The following ACADVL variants were observed in gnomAD, a reference collection of about 807,000 sequenced individuals.
ACADVL encodes the protein very long-chain acyl-CoA dehydrogenase, mitochondrial.
Under a neutral mutation model 80.4 loss-of-function variants are expected in ACADVL, and 73 were observed. That is an observed-to-expected ratio of 0.91 (90% CI 0.75 to 1.10). ACADVL has a LOEUF of 1.10. ACADVL is among the 50% of genes least tolerant of loss of function. The probability of loss-of-function intolerance (pLI) is 0.00; values close to 1 mark genes in which losing one functional copy is unlikely to be tolerated. For synonymous variants in ACADVL, 392 were observed against 326.5 expected, an observed-to-expected ratio of 1.20 and a Z score of -2.16; for missense variants, 878 against 858.9, an observed-to-expected ratio of 1.02 and a Z score of -0.28.
Position 7,220,917 on chromosome 17 carries a change from TC to T in ACADVL, c.343-3del. On this transcript the variant is annotated splice_polypyrimidine_tract_variant and splice_region_variant and intron_variant, in intron 5 of 19. Transcript: ENST00000356839. ...AGCCTGGATGTGGGATCCTGTGCCT[TC>T]CCCAGGAAGTGAACGATCCCGCCAA... The T allele has an allele frequency of 6.2e-7, 1 of 1,614,042 alleles. No homozygotes were observed. The highest frequency in any genetic ancestry group is 8.5e-7 in the Non-Finnish European group (1 of 1,180,028).
rs2071188725 is a variant in ACADVL, at chr17:7,221,047, T to C, written c.466T>C (p.Cys156Arg). 3.1e-6 allele frequency: 5 copies of C among 1,613,758 alleles called. No individual in the cohort carries two copies. The highest frequency in any genetic ancestry group is 4.2e-6 in the Non-Finnish European group (5 of 1,180,024). The change falls in exon 6 of 20, where the codon TGC becomes CGC. Residue 156 changes from cysteine to arginine, a missense_variant. Cys to Arg is a radical substitution (Grantham distance 180). Coordinates refer to ENST00000356839, the MANE Select transcript of ACADVL (RefSeq NM_000018.4). ...CAGTGAGCTGGGTGGTGTGGGCCTT[T>C]GCAACACCCAGGTGAGGGCGCCCTA... ...VPSELGGVGL[C>R]NTQYARLVEI...
chr17:7,225,105 C>T lies in ACADVL; in HGVS notation c.*8C>T, dbSNP rs370513576. The T allele has an allele frequency of 3.4e-4, 556 of 1,614,056 alleles. 4 individuals carry two copies. Among genetic ancestry groups the T allele is most frequent in the South Asian group, 2.9e-3 (268 of 91,078 alleles). On this transcript the variant is annotated 3_prime_UTR_variant, in exon 20 of 20. Coordinates refer to ENST00000356839, the MANE Select transcript of ACADVL (RefSeq NM_000018.4). ...AACCCACTTGGCTTCTGAATACTCCCGGCCAGGGCCTGTCCCAGTTATGTG... is the reference window on the plus strand; with the variant it reads ...AACCCACTTGGCTTCTGAATACTCCTGGCCAGGGCCTGTCCCAGTTATGTG...
chr17:7,218,626 G>A, upstream of ACADVL: 1 of 1,562,474 alleles, frequency 6.4e-7, no homozygotes, highest in Non-Finnish European at 8.7e-7. Context: ...GGAGCCAGAG[G>A]GCTGACCTGG....
chr17:7,221,429 AGGTCAGGAACTGCCCTAGGTCAGGAAC>A, intron 6 of ACADVL, 82 bp from the exon 7 acceptor site: 1 of 452,628 alleles, frequency 2.2e-6, no homozygotes, highest in South Asian at 4.0e-5. Flanking sequence ...GCACTGCCCT[AGGTCAGGAACTGCCCTAGGTCAGGAAC>A]TGCCCTGTTG....
At chr17:7,218,566 A>G, upstream of ACADVL, 1 of 1,564,578 alleles carries the variant, frequency 6.4e-7, no homozygotes, top group South Asian at 1.2e-5. Context: ...AGAGGTCGCT[A>G]TGCAGCACTG....
At chr17:7,223,316 A>T in intron 11 of ACADVL, 79 bp downstream of exon 11, 7 of 1,324,880 alleles carry the variant, frequency 5.3e-6, no homozygotes, top group Non-Finnish European at 7.6e-6. Context: ...CCCCAGCAGC[A>T]CCTGGGGCAG....
chr17:7,221,872 T>C, intron 7 of ACADVL, 80 bp from the exon 8 acceptor site: 1 of 1,610,232 alleles, frequency 6.2e-7, no homozygotes, highest in Admixed American at 1.7e-5. Flanking sequence ...GGGAACTGCC[T>C]GCTGGAGGGA....
chr17:7,222,415 CTGAA>C (rs2071275528), intron 9 of ACADVL, 113 bp downstream of exon 9: 2 of 1,468,712 alleles, frequency 1.4e-6, no homozygotes, highest in Non-Finnish European at 1.8e-6. Context: ...AGCAGGTGGA[CTGAA>C]TGTGGCCTTT....
rs778531268 is a variant in ACADVL, at chr17:7,223,688, G to C, written c.1227G>C (p.Thr409=). The C allele has an allele frequency of 1.2e-6, 2 of 1,614,084 alleles. No homozygotes were observed. Among genetic ancestry groups the C allele is most frequent in the Non-Finnish European group, 1.7e-6 (2 of 1,180,032 alleles). The change falls in exon 12 of 20, where the codon ACG becomes ACC. Residue 409 remains threonine (T), a synonymous_variant. Coordinates refer to ENST00000356839, the MANE Select transcript of ACADVL (RefSeq NM_000018.4). ...MVSANMDQGA[T]DFQIEAAISK... Reference sequence around the variant, plus strand: ...GTGCTAACATGGACCAGGGAGCCACGGACTTCCAGATAGAGGCCGCCATCA... The same window carrying C: ...GTGCTAACATGGACCAGGGAGCCACCGACTTCCAGATAGAGGCCGCCATCA...
chr17:7,222,009 C>G lies in ACADVL; in HGVS notation c.680C>G (p.Ser227Cys). 3 of 1,614,112 alleles carry G rather than the reference C, an allele frequency of 1.9e-6. No homozygotes were observed. The highest frequency in any genetic ancestry group is 2.5e-6 in the Non-Finnish European group (3 of 1,180,026). The part of the protein sequence containing the change: ...TEPSSGSDAA[S>C]IRTSAVPSPC... The stretch of plus-strand genomic sequence containing the variant: ...CCCTCAAGCGGGTCAGATGCAGCCT[C>G]CATCCGAACCTCTGCTGTGCCCAGC... Residue 227 changes from serine to cysteine, a missense_variant, in exon 8 of 20, where the codon TCC (serine) becomes TGC (cysteine). Transcript: ENST00000356839.
chr17:7,220,572 C>G, intron 3 of ACADVL, 32 bp from the exon 4 acceptor site: 1 of 1,614,214 alleles, frequency 6.2e-7, no homozygotes, highest in South Asian at 1.1e-5. Context: ...CAGACCCAAC[C>G]AGAGCCCTGA....
chr17:7,220,738 T>C (rs764384199), intron 4 of ACADVL, 28 bp from the exon 5 acceptor site: 3 of 1,614,188 alleles, frequency 1.9e-6, no homozygotes, highest in Non-Finnish European at 2.5e-6. Context: ...CAGCCTGGCC[T>C]GACCAGCCTG....
At chr17:7,222,568 C>T (rs766523586) in intron 9 of ACADVL, 99 bp from the exon 10 acceptor site, 17 of 1,324,134 alleles carry the variant, frequency 1.3e-5, no homozygotes, top group Non-Finnish European at 1.5e-5. Flanking sequence ...GTCTAGTGGT[C>T]GTCATTCCTC....
In ACADVL at chr17:7,220,011, C is replaced by T. The variant is rs1231124119; in HGVS notation, c.27C>T (p.Ser9=). MQAARMAA[S]LGRQLLRLGG... is the part of the protein sequence containing the mutation. ...TGCAGGCGGCTCGGATGGCCGCGAG[C>T]TTGGGGCGGCAGCTGCTGAGGCTCG... is the stretch of plus-strand genomic sequence containing the variant. The change falls in exon 1 of 20, where the codon AGC becomes AGT. Residue 9 remains serine (S), a synonymous_variant. Transcript: ENST00000356839. The T allele has an allele frequency of 6.2e-7, 1 of 1,604,872 alleles. No homozygotes were observed. The highest frequency in any genetic ancestry group is 8.5e-7 in the Non-Finnish European group (1 of 1,178,768).
rs200709964 is a variant in ACADVL at position 7,224,773 on chromosome 17, G to A, written c.1752-36G>A. 591 of 1,613,702 alleles carry A rather than the reference G, an allele frequency of 3.7e-4. 4 individuals are homozygous for A. In the African/African-American group the frequency reaches 6.2e-3, roughly 17 times the overall value. On this transcript the variant is annotated intron_variant, in intron 18 of 19. Coordinates refer to ENST00000356839, the MANE Select transcript of ACADVL (RefSeq NM_000018.4). ...GGGGGCCTGGGCCTGGATCCCAGCC[G>A]GCCCAGATTTATTTTCATCTCCTGC...
Position 7,222,183 on chromosome 17 carries a change from G to A in ACADVL, c.759G>A (p.Gly253=), listed in dbSNP as rs148073142. The A allele has an allele frequency of 4.1e-5, 66 of 1,614,130 alleles. No individual in the cohort carries two copies. The African/African-American group carries it at 7.2e-4, about 18-fold the overall frequency. ...ATATCCCATTCTTCCACAGTAATGG[G>A]GGCCTAGCAGACATCTTCACGGTCT... ...LNGSKLWISN[G]GLADIFTVFA... The change falls in exon 9 of 20, where the codon GGG becomes GGA. Residue 253 remains glycine, a synonymous_variant. Coordinates refer to ENST00000356839, the MANE Select transcript of ACADVL (RefSeq NM_000018.4).
chr17:7,218,846 A>C (rs2071057260), upstream of ACADVL: 1 of 1,613,474 alleles, frequency 6.2e-7, no homozygotes, highest in African/African-American at 1.3e-5. Flanking sequence ...GGTCTCTGGG[A>C]CATCTCTCTC....
upstream of ACADVL, chr17:7,218,488 A>G: frequency 3.3e-6 from 5 of 1,524,674 alleles, no homozygotes; most frequent in Non-Finnish European, 4.5e-6. Flanking sequence ...CAGCCCCCGA[A>G]GTTCAGTAAT....
Position 7,220,528 on chromosome 17 carries a change from C to A in ACADVL, c.203C>A (p.Ala68Glu). ...DALTRKKPAKAESKSFAVGMF... is the reference protein window; with the variant it reads ...DALTRKKPAKEESKSFAVGMF... Reference sequence around the variant, plus strand: ...CTGACCAGGAAAAAACCGGCCAAGGCGGTAGGTAGCCCCGAGGCCAGGTGG... The same window carrying A: ...CTGACCAGGAAAAAACCGGCCAAGGAGGTAGGTAGCCCCGAGGCCAGGTGG... Residue 68 changes from alanine to glutamate, a missense_variant and splice_region_variant, in exon 3 of 20, where the codon GCG (alanine) becomes GAG (glutamate). Transcript: ENST00000356839. The A allele has an allele frequency of 6.2e-7, 1 of 1,614,204 alleles. No homozygotes were observed. The highest frequency in any genetic ancestry group is 8.5e-7 in the Non-Finnish European group (1 of 1,180,042).
Sources: gnomAD v4.1 joint callset for allele counts on GRCh38, gnomAD v4.1.1 for gene constraint, MANE v1.5 for transcripts, NCBI Gene and HGNC (gene_info 2026-07-23, HGNC 2026-07-21) for gene names.